The following SLIT2 variants were observed in gnomAD, a reference collection of about 807,000 sequenced individuals.
SLIT2 encodes slit homolog 2 protein.
SLIT2 carries 41 observed loss-of-function variants against 185.7 expected under a neutral mutation model. The observed-to-expected ratio is 0.22, with a 90% CI of 0.17 to 0.29. The LOEUF (loss-of-function observed/expected upper bound fraction) is 0.29. Ranked by LOEUF, SLIT2 falls within the 10% of genes least tolerant of loss-of-function variation. The probability of loss-of-function intolerance (pLI) is 1.00; values close to 1 mark genes in which losing one functional copy is unlikely to be tolerated. For missense variants in SLIT2, 1,571 were observed against 1,909.0 expected (o/e 0.82, Z 3.30); for synonymous variants, 693 against 680.2 (o/e 1.02, Z -0.29).
chr4:20,561,745 T>C lies in SLIT2; in HGVS notation c.2726-5517T>C, dbSNP rs138044095. ...TAGATTTTGGAGGTTTTGATTTGCT[T>C]ATTGGCTAAAGAGAACATTCAGGTT... is the stretch of plus-strand genomic sequence containing the variant. On this transcript the variant is annotated intron_variant, in intron 26 of 36. Coordinates refer to ENST00000504154, the MANE Select transcript of SLIT2 (RefSeq NM_004787.4). 2.6e-3 allele frequency among the ~76,000 whole-genome samples: 400 copies of C among 151,868 alleles called. 10 individuals are homozygous for C. In the South Asian group the frequency reaches 0.06, roughly 23 times the overall value.
chr4:20,613,808 G>A (rs1027339682), intron 34 of SLIT2, among the ~76,000 whole-genome samples: 2 of 152,180 alleles, frequency 1.3e-5, no homozygotes, highest in East Asian at 3.9e-4. Context: ...GTGAGTATAT[G>A]GAGAGGCAGC....
In SLIT2 at chr4:20,256,659, G is replaced by T. The variant is rs748877391; in HGVS notation, c.180-13G>T. 6.9e-7 allele frequency: 1 copy of T among 1,459,854 alleles called. No homozygotes were observed. The highest frequency in any genetic ancestry group is 9.5e-7 in the Non-Finnish European group (1 of 1,056,538). The allele number at this position is 1,459,854 out of a possible 1,614,324, so 90.4% of individuals were successfully genotyped here. A position where few individuals can be genotyped will look rare whatever the true frequency, so the allele number is the denominator to read the frequency against. ...AATAAAATGGAACTTTCACTTTCTG[G>T]TTTTTCTCTTAGGGATTTAAATGGA... On this transcript the variant is annotated splice_polypyrimidine_tract_variant and intron_variant, in intron 1 of 36. Coordinates refer to ENST00000504154, the MANE Select transcript of SLIT2 (RefSeq NM_004787.4).
intron 4 of SLIT2, among the ~76,000 whole-genome samples, chr4:20,336,386 A>G (rs181344973): frequency 6.6e-6 from 1 of 152,184 alleles, no homozygotes; most frequent in East Asian, 1.9e-4. Flanking sequence ...TTGTAGGGAC[A>G]TGGATGAAGC....
intron 4 of SLIT2, among the ~76,000 whole-genome samples, chr4:20,408,898 A>G (rs534553340): frequency 1.3e-5 from 2 of 152,206 alleles, no homozygotes; most frequent in Admixed American, 6.5e-5. Context: ...ATGGAAAGAA[A>G]GAATACCATC....
intron 4 of SLIT2, among the ~76,000 whole-genome samples, chr4:20,298,251 G>C (rs1339281139): frequency 6.6e-6 from 1 of 151,900 alleles, no homozygotes. Context: ...ACCATGCCCG[G>C]CTAATTTTTG....
intron 1 of SLIT2, among the ~76,000 whole-genome samples, chr4:20,256,198 G>A (rs1315067405): frequency 6.6e-6 from 1 of 152,046 alleles, no homozygotes; most frequent in Admixed American, 6.5e-5. Context: ...TTTTTTCTGT[G>A]CCTTAGGAAG....
At chr4:20,354,073 A>G (rs1433849709) in intron 4 of SLIT2, among the ~76,000 whole-genome samples, 1 of 152,210 alleles carries the variant, frequency 6.6e-6, no homozygotes, top group African/African-American at 2.4e-5. Flanking sequence ...TGACTTAAGT[A>G]TCCTTTCACA....
chr4:20,330,756 T>G (rs1719995943), intron 4 of SLIT2, among the ~76,000 whole-genome samples: 1 of 152,044 alleles, frequency 6.6e-6, no homozygotes, highest in Non-Finnish European at 1.5e-5. Context: ...ACATGGATAG[T>G]ATTAATTCAT....
chr4:20,472,002 A>G (rs748344517), intron 5 of SLIT2, among the ~76,000 whole-genome samples: 1 of 151,688 alleles, frequency 6.6e-6, no homozygotes, highest in Non-Finnish European at 1.5e-5. Flanking sequence ...TTACACAATG[A>G]GATATGCTGT....
At chr4:20,509,016 GTGTGTGTGTGCA>G (rs1230140234) in intron 9 of SLIT2, among the ~76,000 whole-genome samples, 1 of 151,138 alleles carries the variant, frequency 6.6e-6, no homozygotes, top group African/African-American at 2.4e-5. Context: ...AATGTTACGC[GTGTGTGTGTGCA>G]TGTGTGTGTG....
intron 5 of SLIT2, among the ~76,000 whole-genome samples, chr4:20,474,499 C>T (rs1441030514): frequency 6.6e-6 from 1 of 152,004 alleles, no homozygotes; most frequent in Non-Finnish European, 1.5e-5. Context: ...AAGATGTAAT[C>T]TAACAATATT....
At chr4:20,609,667 T>G (rs779632094) in intron 33 of SLIT2, among the ~76,000 whole-genome samples, 1 of 152,240 alleles carries the variant, frequency 6.6e-6, no homozygotes, top group Non-Finnish European at 1.5e-5. Context: ...AATAGTATCT[T>G]GGTAAATGGA....
intron 4 of SLIT2, among the ~76,000 whole-genome samples, chr4:20,294,905 C>CA (rs1716318233): frequency 6.6e-6 from 1 of 152,164 alleles, no homozygotes; most frequent in Non-Finnish European, 1.5e-5. Context: ...TGGTATATCA[C>CA]ACGAAAATCA....
At chr4:20,499,390 A>G (rs528466150) in intron 9 of SLIT2, among the ~76,000 whole-genome samples, 7 of 152,164 alleles carry the variant, frequency 4.6e-5, no homozygotes, top group African/African-American at 1.4e-4. Flanking sequence ...TTTGCTTGCT[A>G]TTTCTGCATT....
At chr4:20,262,469 C>T (rs1029301307) in intron 3 of SLIT2, among the ~76,000 whole-genome samples, 3 of 151,902 alleles carry the variant, frequency 2.0e-5, no homozygotes, top group South Asian at 2.1e-4. Context: ...CTGACTAATC[C>T]GACAAGTTTA....
chr4:20,551,951 G>A (rs899407273), intron 25 of SLIT2, among the ~76,000 whole-genome samples: 3 of 152,132 alleles, frequency 2.0e-5, no homozygotes, highest in Admixed American at 6.6e-5. Flanking sequence ...TATAGAGTCT[G>A]TGTTATCAAT....
intron 18 of SLIT2, among the ~76,000 whole-genome samples, chr4:20,538,143 G>T (rs1281720168): frequency 1.3e-5 from 2 of 152,030 alleles, no homozygotes; most frequent in East Asian, 3.9e-4. Context: ...TGTATTTTTA[G>T]TAGAGACCAG....
chr4:20,497,869 A>G (rs946523089), intron 9 of SLIT2, among the ~76,000 whole-genome samples: 2 of 146,516 alleles, frequency 1.4e-5, no homozygotes, highest in Non-Finnish European at 3.0e-5. Flanking sequence ...TCTTTATACT[A>G]AAACAAAACA....
At chr4:20,519,166 T>C (rs1720594059) in intron 11 of SLIT2, among the ~76,000 whole-genome samples, 1 of 152,206 alleles carries the variant, frequency 6.6e-6, no homozygotes, top group East Asian at 1.9e-4. Context: ...TAAAATGTTC[T>C]TTATTTTTCT....
Sources: allele counts gnomAD v4.1 joint callset (sites outside exome capture counted in the v4.1 genomes callset), GRCh38; gene constraint gnomAD v4.1.1; transcripts MANE v1.5; gene names NCBI Gene and HGNC (gene_info 2026-07-23, HGNC 2026-07-21).